The following ERC1 variants were observed in gnomAD, a reference collection of about 807,000 sequenced individuals.
ERC1 encodes the protein ELKS/RAB6-interacting/CAST family member 1.
ERC1 carries 56 observed loss-of-function variants against 132.0 expected under a neutral mutation model. The observed-to-expected ratio is 0.42, with a 90% CI of 0.34 to 0.53. The LOEUF (loss-of-function observed/expected upper bound fraction) is 0.53, where lower values mean the gene tolerates loss of function less well. Among genes scored for constraint, ERC1 ranks in the 20% least tolerant of loss-of-function variants. ERC1 has a pLI of 0.03. For missense variants in ERC1, 1,202 were observed against 1,349.9 expected (o/e 0.89, Z 1.72); for synonymous variants, 478 against 476.1 (o/e 1.00, Z -0.05).
At chr12:1,212,395 C>G (rs551344511) in intron 12 of ERC1, among the ~76,000 whole-genome samples, 24 of 152,214 alleles carry the variant, frequency 1.6e-4, no homozygotes, top group South Asian at 6.2e-4. Flanking sequence ...TTCCAGGAAG[C>G]CTTTCCTGAT....
chr12:1,094,426 TTG>T (rs1555236784), intron 3 of ERC1, among the ~76,000 whole-genome samples: 5 of 150,266 alleles, frequency 3.3e-5, no homozygotes, highest in East Asian at 2.0e-4. Context: ...TTTTTTTTTT[TTG>T]GCAACAGAGT....
chr12:1,385,214 C>T (rs536364622), intron 16 of ERC1, among the ~76,000 whole-genome samples: 2 of 152,342 alleles, frequency 1.3e-5, no homozygotes, highest in Admixed American at 1.3e-4. Context: ...TCAATTTCTG[C>T]TAAATGAAAG....
intron 8 of ERC1, among the ~76,000 whole-genome samples, chr12:1,159,583 T>G (rs1951702759): frequency 6.6e-6 from 1 of 152,226 alleles, no homozygotes; most frequent in Admixed American, 6.5e-5. Flanking sequence ...CAGATCTTTT[T>G]TCTGCATGAT....
intron 12 of ERC1, among the ~76,000 whole-genome samples, chr12:1,225,356 A>G (rs1296695805): frequency 6.6e-6 from 1 of 151,744 alleles, no homozygotes; most frequent in Non-Finnish European, 1.5e-5. Context: ...AGGCTGAGGC[A>G]GGAGGATCAA....
intron 16 of ERC1, among the ~76,000 whole-genome samples, chr12:1,394,224 C>G (rs1300195252): frequency 6.6e-6 from 1 of 151,168 alleles, no homozygotes; most frequent in African/African-American, 2.4e-5. Flanking sequence ...CACGGTGAAA[C>G]CCCATCTCTA....
intron 17 of ERC1, chr12:1,410,437 C>T: frequency 7.6e-7 from 1 of 1,316,676 alleles, no homozygotes; most frequent in South Asian, 1.2e-5. Flanking sequence ...CTTAGTTCAG[C>T]CATTTTGTTC....
At chr12:1,160,671 ACTGCACTCCAGC>A (rs1951803842) in intron 8 of ERC1, among the ~76,000 whole-genome samples, 1 of 152,190 alleles carries the variant, frequency 6.6e-6, no homozygotes. Context: ...AGATCACACC[ACTGCACTCCAGC>A]CTGGGCGAAA....
At chr12:1,154,213 G>GTATGTGTATGTGTATGTATATGTA (rs1195346483) in intron 8 of ERC1, among the ~76,000 whole-genome samples, 1 of 142,900 alleles carries the variant, frequency 7.0e-6, no homozygotes, top group African/African-American at 2.6e-5. Context: ...GTGTGTGTGT[G>GTATGTGTATGTGTATGTATATGTA]TATGTATATG....
chr12:1,349,955 C>CT lies in ERC1; in HGVS notation c.2781-21875dup, dbSNP rs144314645. Among the ~76,000 whole-genome samples the CT allele has an allele frequency of 1.3e-3, 200 of 152,316 alleles. 1 individual carries two copies. Among genetic ancestry groups the CT allele is most frequent in the Non-Finnish European group, 2.4e-3 (163 of 68,030 alleles). ...CTCTAAGCAGAGAATGCTCTGACAA[C>CT]TTTGTCTCCAGGTCCACTCTACTGT... On this transcript the variant is annotated intron_variant, in intron 15 of 18. Transcript: ENST00000360905.
intron 12 of ERC1, among the ~76,000 whole-genome samples, chr12:1,205,397 CTGTGTGTG>C (rs551630470): frequency 2.9e-5 from 4 of 135,684 alleles, no homozygotes; most frequent in Non-Finnish European, 1.6e-5. Flanking sequence ...ATATATATAT[CTGTGTGTG>C]TGTGTGTGTA....
chr12:1,397,351 T>C (rs1234267966), intron 16 of ERC1, among the ~76,000 whole-genome samples: 1 of 152,146 alleles, frequency 6.6e-6, no homozygotes, highest in African/African-American at 2.4e-5. Flanking sequence ...AAATAACATA[T>C]ACACAAGGAA....
chr12:1,164,289 ATTT>A lies in ERC1; in HGVS notation c.1738-16249_1738-16247del, dbSNP rs1448813068. Among the ~76,000 whole-genome samples, 723 of 107,178 alleles carry A rather than the reference ATTT, an allele frequency of 6.7e-3. 9 individuals carry two copies. The highest frequency in any genetic ancestry group is 0.02 in the African/African-American group (688 of 34,304). The allele number at this position is 107,178 out of a possible 152,430, so 70.3% of individuals were successfully genotyped here. On this transcript the variant is annotated intron_variant, in intron 8 of 18. Transcript: ENST00000360905. Reference sequence around the variant, plus strand: ...TTATGTTGTTATTTTATGTTATTTTATTTTGTTATTTTATTTTATGTTATTTTA... The same window carrying A: ...TTATGTTGTTATTTTATGTTATTTTATGTTATTTTATTTTATGTTATTTTA...
At chr12:1,149,619 G>A (rs978357837) in intron 8 of ERC1, among the ~76,000 whole-genome samples, 6 of 151,896 alleles carry the variant, frequency 4.0e-5, no homozygotes. Context: ...GGCTGGTCTC[G>A]AACTCCTGGA....
At chr12:1,397,160 C>G (rs1202082113) in intron 16 of ERC1, among the ~76,000 whole-genome samples, 1 of 152,172 alleles carries the variant, frequency 6.6e-6, no homozygotes, top group Admixed American at 6.5e-5. Flanking sequence ...ACAACACACT[C>G]AATTAAGCAG....
intron 8 of ERC1, among the ~76,000 whole-genome samples, chr12:1,174,427 G>A (rs1164054456): frequency 1.3e-5 from 2 of 152,178 alleles, no homozygotes; most frequent in African/African-American, 2.4e-5. Flanking sequence ...TCTAGAGTGG[G>A]TAATTGAAAA....
chr12:1,261,637 G>A (rs1177331922), intron 13 of ERC1, among the ~76,000 whole-genome samples: 1 of 152,128 alleles, frequency 6.6e-6, no homozygotes, highest in East Asian at 1.9e-4. Flanking sequence ...ACAGAGGGAA[G>A]GAAGAGCTCA....
chr12:1,287,247 G>A (rs2079096765), intron 14 of ERC1, among the ~76,000 whole-genome samples: 1 of 152,190 alleles, frequency 6.6e-6, no homozygotes, highest in Non-Finnish European at 1.5e-5. Context: ...ATACAAAAAT[G>A]AATTCCAGAT....
chr12:1,111,983 C>T (rs1298806475), intron 5 of ERC1, among the ~76,000 whole-genome samples: 1 of 152,092 alleles, frequency 6.6e-6, no homozygotes, highest in African/African-American at 2.4e-5. Flanking sequence ...GCCGTATGAT[C>T]TCTGTGTTTA....
At chr12:1,218,564 C>A (rs181874293) in intron 12 of ERC1, among the ~76,000 whole-genome samples, 2 of 152,182 alleles carry the variant, frequency 1.3e-5, no homozygotes, top group East Asian at 3.9e-4. Context: ...AGTAGTCTTA[C>A]GAAACTGCTC....
Sources: allele counts gnomAD v4.1 joint callset (sites outside exome capture counted in the v4.1 genomes callset), GRCh38; gene constraint gnomAD v4.1.1; transcripts MANE v1.5; gene names NCBI Gene and HGNC (gene_info 2026-07-23, HGNC 2026-07-21).